Variants in LINGO2 observed in about 807,000 individuals in gnomAD.
LINGO2 encodes the protein leucine rich repeat and Ig domain containing 2.
A neutral mutation model predicts 30.6 loss-of-function variants in LINGO2; 14 were observed. The observed-to-expected ratio is 0.46, with a 90% CI of 0.30 to 0.72. LINGO2 has a LOEUF of 0.72. Ranked by LOEUF, LINGO2 falls within the 30% of genes least tolerant of loss-of-function variation. LINGO2 has a pLI of 0.07. For synonymous variants in LINGO2, 317 were observed against 288.5 expected (o/e 1.10, Z -1.00); for missense variants, 729 against 751.7 (o/e 0.97, Z 0.35).
At chr9:28,010,103 G>T (rs747893195) in intron 5 of LINGO2, among the ~76,000 whole-genome samples, 1 of 152,118 alleles carries the variant, frequency 6.6e-6, no homozygotes, top group Non-Finnish European at 1.5e-5. Context: ...ATATCATTAC[G>T]CAAAGTGAAA....
At chr9:28,298,318 TAAC>T (rs1251616713) in intron 3 of LINGO2, among the ~76,000 whole-genome samples, 5 of 152,024 alleles carry the variant, frequency 3.3e-5, no homozygotes, top group African/African-American at 9.7e-5. Context: ...CATAGTATGA[TAAC>T]AAGATATTTT....
chr9:28,685,057 C>CTT, the LINGO2 span, among the ~76,000 whole-genome samples: 1 of 152,118 alleles, frequency 6.6e-6, no homozygotes, highest in Non-Finnish European at 1.5e-5. Flanking sequence ...TTAGCTTCCA[C>CTT]TTATAACTGA....
At chr9:28,960,180 G>T in the LINGO2 span, among the ~76,000 whole-genome samples, 1 of 152,080 alleles carries the variant, frequency 6.6e-6, no homozygotes, top group Non-Finnish European at 1.5e-5. Context: ...AATTAAAAAA[G>T]ATAGCTCTCA....
intron 4 of LINGO2, among the ~76,000 whole-genome samples, chr9:28,243,664 G>C (rs115003545): frequency 6.6e-6 from 1 of 151,832 alleles, no homozygotes; most frequent in South Asian, 2.1e-4. Flanking sequence ...AAACGGGTTG[G>C]ATTCCTAGTT....
chr9:28,953,972 C>T, the LINGO2 span, among the ~76,000 whole-genome samples: 139,880 of 152,112 alleles, frequency 0.92, 64,417 homozygotes, highest in Non-Finnish European at 0.94. Flanking sequence ...ATTATTAACA[C>T]ATACAAAATA....
chr9:28,862,145 T>C, the LINGO2 span, among the ~76,000 whole-genome samples: 1 of 152,082 alleles, frequency 6.6e-6, no homozygotes, highest in Non-Finnish European at 1.5e-5. Flanking sequence ...CTCAGACTCT[T>C]TTCCCACCTG....
the LINGO2 span, among the ~76,000 whole-genome samples, chr9:29,110,931 C>T: frequency 1.3e-5 from 2 of 151,902 alleles, no homozygotes; most frequent in Non-Finnish European, 2.9e-5. Context: ...CCTCGTGATC[C>T]GCCCACCTCG....
chr9:28,067,821 A>G (rs925165578), intron 4 of LINGO2, among the ~76,000 whole-genome samples: 6 of 152,210 alleles, frequency 3.9e-5, no homozygotes, highest in South Asian at 2.1e-4. Context: ...TTCGATTATC[A>G]TAACAATGCT....
chr9:28,356,132 CTTAA>C (rs1255653188), intron 3 of LINGO2, among the ~76,000 whole-genome samples: 2 of 152,136 alleles, frequency 1.3e-5, no homozygotes, highest in East Asian at 3.9e-4. Flanking sequence ...GCTAAAATGT[CTTAA>C]TTGTCATACA....
the LINGO2 span, among the ~76,000 whole-genome samples, chr9:28,811,951 A>G: frequency 1.3e-5 from 2 of 152,112 alleles, no homozygotes; most frequent in Non-Finnish European, 2.9e-5. Context: ...TAGGCATGCA[A>G]TATGTATTCA....
At chr9:29,056,938 T>G in the LINGO2 span, among the ~76,000 whole-genome samples, 1 of 152,178 alleles carries the variant, frequency 6.6e-6, no homozygotes, top group Non-Finnish European at 1.5e-5. Context: ...TTCTGTTCCG[T>G]TGGTCTATGT....
the LINGO2 span, among the ~76,000 whole-genome samples, chr9:28,880,805 G>A: frequency 1.3e-5 from 2 of 152,278 alleles, 1 homozygote; most frequent in East Asian, 3.9e-4. Flanking sequence ...GCCCTATGGT[G>A]AGAGGCAAGA....
the LINGO2 span, among the ~76,000 whole-genome samples, chr9:28,731,358 T>C: frequency 6.6e-6 from 1 of 152,150 alleles, no homozygotes; most frequent in African/African-American, 2.4e-5. Context: ...GGAATACTAC[T>C]CAGCAATAAA....
the LINGO2 span, among the ~76,000 whole-genome samples, chr9:28,737,910 T>A: frequency 6.6e-6 from 1 of 152,120 alleles, no homozygotes; most frequent in African/African-American, 2.4e-5. Context: ...GAAGTTTTTA[T>A]GGATATATTC....
At chr9:28,249,156 G>A (rs1235424883) in intron 4 of LINGO2, among the ~76,000 whole-genome samples, 1 of 152,026 alleles carries the variant, frequency 6.6e-6, no homozygotes, top group African/African-American at 2.4e-5. Context: ...CTTGGGAACT[G>A]TATTTTCAAC....
intron 4 of LINGO2, among the ~76,000 whole-genome samples, chr9:28,014,736 G>T (rs890805882): frequency 1.3e-5 from 2 of 152,104 alleles, no homozygotes; most frequent in African/African-American, 4.8e-5. Flanking sequence ...TATATTTTGT[G>T]ACTGTCTGAC....
At chr9:28,013,601 A>C (rs1206086400) in intron 4 of LINGO2, among the ~76,000 whole-genome samples, 3 of 152,220 alleles carry the variant, frequency 2.0e-5, no homozygotes, top group African/African-American at 4.8e-5. Flanking sequence ...GAATGAGAAG[A>C]AGCTGATAGT....
intron 4 of LINGO2, among the ~76,000 whole-genome samples, chr9:28,027,392 T>C (rs1467837822): frequency 6.6e-6 from 1 of 152,184 alleles, no homozygotes; most frequent in Non-Finnish European, 1.5e-5. Context: ...ATAGTCCAAA[T>C]AATGCCTAAA....
the LINGO2 span, among the ~76,000 whole-genome samples, chr9:28,845,608 T>C: frequency 2.0e-5 from 3 of 151,816 alleles, no homozygotes; most frequent in Admixed American, 6.6e-5. Flanking sequence ...TTAAAATTAA[T>C]TGAAGCATTT....
Sources: allele counts gnomAD v4.1 joint callset (sites outside exome capture counted in the v4.1 genomes callset), GRCh38; gene constraint gnomAD v4.1.1; transcripts MANE v1.5; gene names NCBI Gene and HGNC (gene_info 2026-07-23, HGNC 2026-07-21).